Variants in FHIT observed in about 807,000 individuals in gnomAD.
FHIT encodes the protein fragile histidine triad diadenosine triphosphatase, also known as bis(5'-adenosyl)-triphosphatase.
FHIT carries 19 observed loss-of-function variants against 17.9 expected under a neutral mutation model. The ratio of observed to expected loss-of-function variants is 1.06; its 90% CI spans 0.74 to 1.56. FHIT has a LOEUF of 1.56. Among genes scored for constraint, FHIT ranks in the 40% most tolerant of loss-of-function variants. FHIT has a pLI of 0.00. For missense variants in FHIT, 248 were observed against 189.2 expected (o/e 1.31, Z -1.82); for synonymous variants, 81 against 69.7 (o/e 1.16, Z -0.81).
At chr3:61,197,726 T>C in intron 2 of FHIT, among the ~76,000 whole-genome samples, 1 of 152,158 alleles carries the variant, frequency 6.6e-6, no homozygotes, top group Non-Finnish European at 1.5e-5. Flanking sequence ...GTCTAAAGAA[T>C]ATACCTGTTG....
intron 3 of FHIT, among the ~76,000 whole-genome samples, chr3:60,824,429 T>C (rs547931613): frequency 1.3e-5 from 2 of 152,252 alleles, no homozygotes; most frequent in East Asian, 3.9e-4. Context: ...CAGCCAAAGA[T>C]ATTAGCAACA....
chr3:60,138,591 A>T (rs1233478649), intron 5 of FHIT, among the ~76,000 whole-genome samples: 1 of 152,040 alleles, frequency 6.6e-6, no homozygotes, highest in Admixed American at 6.5e-5. Context: ...TTGCATCCTC[A>T]TGACAACCTC....
intron 5 of FHIT, among the ~76,000 whole-genome samples, chr3:60,425,789 T>C (rs371079664): frequency 1.1e-3 from 145 of 135,478 alleles, no homozygotes; most frequent in African/African-American, 3.8e-3. Context: ...TTATAATCAA[T>C]AGAGATTAAA....
At chr3:60,307,452 A>T (rs1708729092) in intron 5 of FHIT, among the ~76,000 whole-genome samples, 1 of 152,188 alleles carries the variant, frequency 6.6e-6, no homozygotes, top group Non-Finnish European at 1.5e-5. Context: ...ATACAGGGGA[A>T]TATGAACTGG....
chr3:60,332,105 C>G (rs939220894), intron 5 of FHIT, among the ~76,000 whole-genome samples: 1 of 152,144 alleles, frequency 6.6e-6, no homozygotes, highest in Non-Finnish European at 1.5e-5. Context: ...ATACTAGGTA[C>G]TGTCCTTAGC....
At chr3:59,756,561 T>C (rs1032223182) in intron 8 of FHIT, among the ~76,000 whole-genome samples, 1 of 152,206 alleles carries the variant, frequency 6.6e-6, no homozygotes, top group Non-Finnish European at 1.5e-5. Flanking sequence ...CATCCTGATA[T>C]GAAACAATGA....
At chr3:60,703,320 CT>C (rs1401245490) in intron 4 of FHIT, among the ~76,000 whole-genome samples, 3 of 152,282 alleles carry the variant, frequency 2.0e-5, no homozygotes, top group African/African-American at 7.2e-5. Flanking sequence ...GAACCTCTAG[CT>C]TTCAAAACTG....
At chr3:60,245,851 C>G (rs17062604) in intron 5 of FHIT, among the ~76,000 whole-genome samples, 66,116 of 151,418 alleles carry the variant, frequency 0.44, 15,218 homozygotes, top group African/African-American at 0.58. Context: ...TGGGCATTAA[C>G]AAGAACTGGA....
intron 3 of FHIT, among the ~76,000 whole-genome samples, chr3:60,856,824 G>A (rs1027800625): frequency 2.6e-5 from 4 of 151,842 alleles, no homozygotes; most frequent in Non-Finnish European, 4.4e-5. Flanking sequence ...GGACCCTATT[G>A]TACTCTCTCA....
chr3:59,937,741 A>T (rs1192428140), intron 7 of FHIT, among the ~76,000 whole-genome samples: 1 of 152,164 alleles, frequency 6.6e-6, no homozygotes, highest in African/African-American at 2.4e-5. Flanking sequence ...TCATCATTCA[A>T]TATTGCTATT....
intron 2 of FHIT, among the ~76,000 whole-genome samples, chr3:61,084,796 T>C (rs1463488367): frequency 6.6e-6 from 1 of 152,156 alleles, no homozygotes; most frequent in Non-Finnish European, 1.5e-5. Flanking sequence ...CAATCCAAAC[T>C]GTTACCTCAT....
chr3:59,926,901 G>GA (rs1705688730), intron 7 of FHIT, among the ~76,000 whole-genome samples: 1 of 152,150 alleles, frequency 6.6e-6, no homozygotes, highest in Non-Finnish European at 1.5e-5. Flanking sequence ...AGTTACTTTG[G>GA]AAAACAGTTT....
intron 4 of FHIT, among the ~76,000 whole-genome samples, chr3:60,639,937 C>A (rs547151228): frequency 1.1e-4 from 16 of 152,308 alleles, no homozygotes; most frequent in African/African-American, 3.1e-4. Flanking sequence ...AATAACCATA[C>A]AATGGAATAC....
intron 4 of FHIT, among the ~76,000 whole-genome samples, chr3:60,587,890 G>C (rs1387958351): frequency 6.6e-6 from 1 of 151,958 alleles, no homozygotes; most frequent in Non-Finnish European, 1.5e-5. Flanking sequence ...ACACAGCCTG[G>C]CTGGGGTAGA....
At chr3:60,816,449 G>A (rs1018844459) in intron 4 of FHIT, among the ~76,000 whole-genome samples, 1 of 151,978 alleles carries the variant, frequency 6.6e-6, no homozygotes, top group Non-Finnish European at 1.5e-5. Context: ...TTATCATGAA[G>A]GGATGTTGGA....
At chr3:60,673,845 T>C (rs549225858) in intron 4 of FHIT, among the ~76,000 whole-genome samples, 1 of 152,314 alleles carries the variant, frequency 6.6e-6, no homozygotes, top group East Asian at 1.9e-4. Context: ...TTCTTTACTT[T>C]TGGATTTTTA....
At chr3:60,085,580 A>C (rs1190314156) in intron 5 of FHIT, among the ~76,000 whole-genome samples, 1 of 152,128 alleles carries the variant, frequency 6.6e-6, no homozygotes, top group East Asian at 1.9e-4. Flanking sequence ...AGTTTCTACC[A>C]GTTTGCTACA....
At chr3:60,904,490 A>T (rs1269488297) in intron 3 of FHIT, among the ~76,000 whole-genome samples, 1 of 151,708 alleles carries the variant, frequency 6.6e-6, no homozygotes, top group Non-Finnish European at 1.5e-5. Flanking sequence ...CAAAAAAAAA[A>T]AGAAAAAAAA....
intron 7 of FHIT, among the ~76,000 whole-genome samples, chr3:59,924,556 G>A (rs1395667172): frequency 6.6e-6 from 1 of 152,184 alleles, no homozygotes; most frequent in African/African-American, 2.4e-5. Flanking sequence ...TGAGCATTCA[G>A]CTTTGCATGT....
Sources: gnomAD v4.1 joint callset for allele counts (sites outside exome capture counted in the v4.1 genomes callset) on GRCh38, gnomAD v4.1.1 for gene constraint, MANE v1.5 for transcripts, NCBI Gene and HGNC (gene_info 2026-07-23, HGNC 2026-07-21) for gene names.